The following DLC1 variants were observed in gnomAD, a reference collection of about 807,000 sequenced individuals.
DLC1 encodes the protein DLC1 Rho GTPase activating protein.
DLC1 carries 54 observed loss-of-function variants against 140.3 expected under a neutral mutation model. The observed-to-expected ratio is 0.38, with a 90% CI of 0.31 to 0.48. The LOEUF is 0.48. DLC1 is among the 20% of genes least tolerant of loss of function. The pLI is 0.96. For synonymous variants in DLC1, 986 were observed against 728.1 expected, an observed-to-expected ratio of 1.35 and a Z score of -5.70; for missense variants, 2,536 against 1,907.0, an observed-to-expected ratio of 1.33 and a Z score of -6.14.
chr8:13,115,304 GAGT>G (rs1353288587), intron 6 of DLC1, among the ~76,000 whole-genome samples: 1 of 152,076 alleles, frequency 6.6e-6, no homozygotes, highest in African/African-American at 2.4e-5. Flanking sequence ...TCAGGAAATG[GAGT>G]AGAATTATAC....
At chr8:13,359,669 C>G (rs1835129299) in intron 4 of DLC1, among the ~76,000 whole-genome samples, 1 of 152,154 alleles carries the variant, frequency 6.6e-6, no homozygotes, top group Admixed American at 6.5e-5. Context: ...CTGAAGAAAT[C>G]TTGCAAAATC....
intron 4 of DLC1, among the ~76,000 whole-genome samples, chr8:13,364,475 T>G (rs1268611536): frequency 6.6e-6 from 1 of 152,168 alleles, no homozygotes. Flanking sequence ...ATTTTGTATT[T>G]TTAGCAGAGA....
At chr8:13,468,085 TA>T (rs1800023879) in intron 2 of DLC1, among the ~76,000 whole-genome samples, 1 of 152,214 alleles carries the variant, frequency 6.6e-6, no homozygotes, top group African/African-American at 2.4e-5. Context: ...AATTCACTTG[TA>T]AAATCATCTG....
chr8:13,153,737 C>G (rs1585785919), intron 5 of DLC1, among the ~76,000 whole-genome samples: 1 of 151,654 alleles, frequency 6.6e-6, no homozygotes, highest in African/African-American at 2.4e-5. Context: ...ACACAAGGCA[C>G]TGATTGGTGT....
chr8:13,471,375 C>T (rs1322630181), intron 2 of DLC1, among the ~76,000 whole-genome samples: 2 of 151,366 alleles, frequency 1.3e-5, no homozygotes, highest in Non-Finnish European at 2.9e-5. Context: ...TTGATTGTGG[C>T]CATTATTCCA....
At chr8:13,476,545 C>T (rs918897515) in intron 2 of DLC1, among the ~76,000 whole-genome samples, 3 of 150,324 alleles carry the variant, frequency 2.0e-5, no homozygotes, top group Admixed American at 6.6e-5. Flanking sequence ...CAGAGAGGGA[C>T]GTGGGGAGCT....
Position 13,308,817 on chromosome 8 carries a change from A to G in DLC1, c.1315-3515T>C, listed in dbSNP as rs141046704. On this transcript the variant is annotated intron_variant, in intron 4 of 17. Coordinates refer to ENST00000276297, the MANE Select transcript of DLC1 (RefSeq NM_182643.3). The stretch of plus-strand genomic sequence containing the variant: ...ATGGAATGGTTTTCTTGGGCGTGAA[A>G]CCCTTGGGCAGGAGGCATTGATTGG... Among the ~76,000 whole-genome samples, 244 of 152,116 alleles carry G rather than the reference A, an allele frequency of 1.6e-3. 1 individual carries two copies. In the East Asian group the frequency reaches 0.035, roughly 22 times the overall value.
At chr8:13,428,897 A>G (rs908221504) in intron 2 of DLC1, among the ~76,000 whole-genome samples, 1 of 152,164 alleles carries the variant, frequency 6.6e-6, no homozygotes, top group African/African-American at 2.4e-5. Context: ...ACCTAAGTAG[A>G]CTCTGATCAG....
chr8:13,565,293 A>G (rs1804387040), intron 1 of DLC1, among the ~76,000 whole-genome samples: 1 of 152,232 alleles, frequency 6.6e-6, no homozygotes, highest in Non-Finnish European at 1.5e-5. Flanking sequence ...ATGTTAGAAG[A>G]CACAGATAGA....
chr8:13,201,297 C>A (rs372315925), intron 5 of DLC1, among the ~76,000 whole-genome samples: 1 of 152,054 alleles, frequency 6.6e-6, no homozygotes, highest in Non-Finnish European at 1.5e-5. Flanking sequence ...TTGTGTCAAA[C>A]TGCTATTTTA....
chr8:13,455,236 C>T (rs1001306793), intron 2 of DLC1, among the ~76,000 whole-genome samples: 1 of 152,166 alleles, frequency 6.6e-6, no homozygotes, highest in South Asian at 2.1e-4. Context: ...TAAGCAGACT[C>T]TTACATGTAC....
intron 2 of DLC1, among the ~76,000 whole-genome samples, chr8:13,441,460 G>C (rs146355044): frequency 6.6e-6 from 1 of 152,120 alleles, no homozygotes; most frequent in Admixed American, 6.6e-5. Context: ...CTAGAAAACC[G>C]CATCGTCACA....
At chr8:13,140,440 C>T (rs539320098) in intron 5 of DLC1, among the ~76,000 whole-genome samples, 25 of 151,968 alleles carry the variant, frequency 1.6e-4, no homozygotes, top group Non-Finnish European at 3.1e-4. Flanking sequence ...GTCATGTTGC[C>T]CAGGCTCTTC....
chr8:13,261,007 G>A (rs1377522257), intron 5 of DLC1, among the ~76,000 whole-genome samples: 1 of 152,192 alleles, frequency 6.6e-6, no homozygotes, highest in African/African-American at 2.4e-5. Flanking sequence ...CATGTCCGTT[G>A]ATTAAGTCAT....
At chr8:13,144,085 G>C (rs775864902) in intron 5 of DLC1, among the ~76,000 whole-genome samples, 1 of 152,152 alleles carries the variant, frequency 6.6e-6, no homozygotes, top group African/African-American at 2.4e-5. Flanking sequence ...TATGAGGGTG[G>C]TTCTGAAAGA....
At chr8:13,344,282 T>G (rs965503316) in intron 4 of DLC1, among the ~76,000 whole-genome samples, 1 of 152,026 alleles carries the variant, frequency 6.6e-6, no homozygotes, top group Non-Finnish European at 1.5e-5. Flanking sequence ...TCACCTAAGA[T>G]CAGGAGTTTG....
At chr8:13,484,972 G>T (rs958634648) in intron 2 of DLC1, among the ~76,000 whole-genome samples, 1 of 152,110 alleles carries the variant, frequency 6.6e-6, no homozygotes, top group Non-Finnish European at 1.5e-5. Context: ...AAGCACTTAT[G>T]AAGTGGTTGA....
chr8:13,112,973 CTA>C (rs1820241222), intron 6 of DLC1, among the ~76,000 whole-genome samples: 1 of 152,034 alleles, frequency 6.6e-6, no homozygotes, highest in African/African-American at 2.4e-5. Context: ...TGCCTATTAC[CTA>C]TATGTGAGAA....
rs1818838541 is a variant in DLC1 at position 13,099,675 on chromosome 8, A to G, written c.2662T>C (p.Tyr888His). Residue 888 changes from tyrosine (Y) to histidine (H), a missense_variant, in exon 9 of 18, where the codon TAC (tyrosine) becomes CAC (histidine). Coordinates refer to ENST00000276297, the MANE Select transcript of DLC1 (RefSeq NM_182643.3). ...IYDNVPGSILYSSSGDLADLE... is the reference protein window; with the variant it reads ...IYDNVPGSILHSSSGDLADLE... ...TCCGCCAGGTCCCCTGAACTGGAGT[A>G]GAGGATGGAGCCCGGCACGTTGTCG... 2.5e-6 allele frequency: 4 copies of G among 1,614,058 alleles called. No individual in the cohort carries two copies. Among genetic ancestry groups the G allele is most frequent in the Non-Finnish European group, 3.4e-6 (4 of 1,180,032 alleles).
Sources: allele counts gnomAD v4.1 joint callset (sites outside exome capture counted in the v4.1 genomes callset), GRCh38; gene constraint gnomAD v4.1.1; transcripts MANE v1.5; gene names NCBI Gene and HGNC (gene_info 2026-07-23, HGNC 2026-07-21).